TLN2: variants seen among roughly 807,000 people sequenced by gnomAD.
TLN2 encodes the protein talin 2, also known as talin-2.
Under a neutral mutation model 294.7 loss-of-function variants are expected in TLN2, and 118 were observed. That is an observed-to-expected ratio of 0.40 (90% CI 0.34 to 0.47). The LOEUF (loss-of-function observed/expected upper bound fraction) is 0.47, where lower values mean the gene tolerates loss of function less well. Ranked by LOEUF, TLN2 falls within the 20% of genes least tolerant of loss-of-function variation. The pLI, the probability that TLN2 is intolerant of heterozygous loss-of-function variation, is 0.84. For missense variants in TLN2, 3,083 were observed against 3,282.2 expected (o/e 0.94, Z 1.48); for synonymous variants, 1,431 against 1,304.5 (o/e 1.10, Z -2.09).
At chr15:62,562,260 T>C (rs2043029781) in intron 1 of TLN2, among the ~76,000 whole-genome samples, 1 of 152,232 alleles carries the variant, frequency 6.6e-6, no homozygotes, top group Admixed American at 6.5e-5. Flanking sequence ...TTTACCCATG[T>C]ATCTTGCTGC....
intron 2 of TLN2, among the ~76,000 whole-genome samples, chr15:62,597,812 CAT>C (rs1251440513): frequency 6.6e-6 from 1 of 152,152 alleles, no homozygotes; most frequent in Non-Finnish European, 1.5e-5. Context: ...ACCTGATACA[CAT>C]AGTCTGAAGG....
At chr15:62,685,024 T>C (rs545636653) in intron 11 of TLN2, among the ~76,000 whole-genome samples, 6 of 151,570 alleles carry the variant, frequency 4.0e-5, no homozygotes, top group African/African-American at 1.5e-4. Context: ...TCAGCAAATA[T>C]GAGTTGAAAA....
At chr15:62,406,261 C>T (rs2033397791) in intron 1 of TLN2, among the ~76,000 whole-genome samples, 1 of 152,190 alleles carries the variant, frequency 6.6e-6, no homozygotes, top group Non-Finnish European at 1.5e-5. Context: ...CCATGCCTCT[C>T]TGTGTTTCTT....
rs778839015 is a variant in TLN2 at position 62,841,967 on chromosome 15, C to T, written c.*1357C>T. 3.1e-5 allele frequency: 2 copies of T among 65,488 alleles called. No homozygotes were observed. The highest frequency in any genetic ancestry group is 5.1e-5 in the Non-Finnish European group (2 of 39,222). 4.1% of individuals were successfully genotyped at this position (65,488 alleles called of 1,614,324 possible). ...ACAGTTAAAGGCACTCACCCTCCGCCTCTCTCTCTCTCTCTCTCTCTGGTG... is the reference window on the plus strand; with the variant it reads ...ACAGTTAAAGGCACTCACCCTCCGCTTCTCTCTCTCTCTCTCTCTCTGGTG... On this transcript the variant is annotated 3_prime_UTR_variant, in exon 59 of 59. Transcript: ENST00000636159.
chr15:62,395,679 G>A (rs1044663729), intron 1 of TLN2, among the ~76,000 whole-genome samples: 1 of 151,942 alleles, frequency 6.6e-6, no homozygotes, highest in African/African-American at 2.4e-5. Context: ...TAAACCAGAA[G>A]CAACAAATGT....
chr15:62,622,541 C>G (rs1006422160), intron 3 of TLN2, among the ~76,000 whole-genome samples: 1 of 152,160 alleles, frequency 6.6e-6, no homozygotes, highest in Non-Finnish European at 1.5e-5. Context: ...AGCCATGACT[C>G]TCCTCTCTGC....
At chr15:62,667,730 C>G (rs554661789) in intron 9 of TLN2, among the ~76,000 whole-genome samples, 2 of 152,158 alleles carry the variant, frequency 1.3e-5, no homozygotes, top group Non-Finnish European at 2.9e-5. Flanking sequence ...TTGCTGCTTC[C>G]CTGTGTGCTT....
At chr15:62,823,104 C>A (rs114127070) in intron 54 of TLN2, among the ~76,000 whole-genome samples, 1 of 152,116 alleles carries the variant, frequency 6.6e-6, no homozygotes, top group South Asian at 2.1e-4. Flanking sequence ...TGATGTGAAT[C>A]CTTTGTTTGA....
chr15:62,833,674 A>C, intron 55 of TLN2, 45 bp downstream of exon 55: 1 of 1,592,668 alleles, frequency 6.3e-7, no homozygotes. Context: ...AACGTACGAG[A>C]GCCTCAGGGG....
chr15:62,530,422 A>G (rs536201598), intron 1 of TLN2, among the ~76,000 whole-genome samples: 2 of 152,172 alleles, frequency 1.3e-5, no homozygotes, highest in Admixed American at 1.3e-4. Flanking sequence ...CAGTGGCACA[A>G]TCTCAGCTCA....
At chr15:62,730,090 A>G (rs1401118313) in intron 28 of TLN2, among the ~76,000 whole-genome samples, 1 of 127,128 alleles carries the variant, frequency 7.9e-6, no homozygotes, top group African/African-American at 3.0e-5. Flanking sequence ...GTGCAGTGGC[A>G]CTATCTTGGC....
intron 1 of TLN2, among the ~76,000 whole-genome samples, chr15:62,460,489 C>T (rs1188644171): frequency 6.6e-6 from 1 of 151,998 alleles, no homozygotes; most frequent in Non-Finnish European, 1.5e-5. Context: ...TCTCAAACTC[C>T]CAACCTCAGG....
At chr15:62,481,857 C>T (rs2038118054) in intron 1 of TLN2, among the ~76,000 whole-genome samples, 1 of 138,824 alleles carries the variant, frequency 7.2e-6, no homozygotes, top group South Asian at 2.3e-4. Flanking sequence ...AGTGCAATGG[C>T]GTGATCTCAG....
intron 1 of TLN2, among the ~76,000 whole-genome samples, chr15:62,565,357 G>A (rs1220397468): frequency 6.6e-6 from 1 of 152,120 alleles, no homozygotes; most frequent in Non-Finnish European, 1.5e-5. Flanking sequence ...ATAATAAATT[G>A]CACTAGACTG....
Position 62,588,023 on chromosome 15 carries a change from G to A in TLN2, c.-237-1664G>A, listed in dbSNP as rs950577309. Reference sequence around the variant, plus strand: ...AGCCCCCACAGTAGCTGGGACTACAGGCGCCCACCACCACCCCTGGCTAAT... The same window carrying A: ...AGCCCCCACAGTAGCTGGGACTACAAGCGCCCACCACCACCCCTGGCTAAT... On this transcript the variant is annotated intron_variant, in intron 1 of 58. Coordinates refer to ENST00000636159, the MANE Select transcript of TLN2 (RefSeq NM_015059.3). Among the ~76,000 whole-genome samples the A allele has an allele frequency of 4.6e-5, 7 of 152,100 alleles. No homozygotes were observed. The East Asian group carries it at 1.4e-3, about 30-fold the overall frequency.
intron 1 of TLN2, chr15:62,476,285 C>G (rs2037779889): frequency 6.6e-6 from 1 of 152,268 alleles, no homozygotes; most frequent in Admixed American, 6.5e-5. Context: ...GCTGACACGG[C>G]TACCTGCACT....
At position 62,750,500 on chromosome 15, in the gene TLN2, G is replaced by A. The variant is rs770829425; in HGVS notation, c.4209+9G>A. 2 of 1,611,472 alleles carry A rather than the reference G, an allele frequency of 1.2e-6. No homozygotes were observed. The highest frequency in any genetic ancestry group is 1.7e-5 in the Admixed American group (1 of 60,032). On this transcript the variant is annotated intron_variant, in intron 34 of 58. Coordinates refer to ENST00000636159, the MANE Select transcript of TLN2 (RefSeq NM_015059.3). Reference sequence around the variant, plus strand: ...TGATGGAAAACTCCAAGGTAAGACTGCCTATGCCGTAAGTCAGAAGTTAGC... The same window carrying A: ...TGATGGAAAACTCCAAGGTAAGACTACCTATGCCGTAAGTCAGAAGTTAGC...
intron 1 of TLN2, among the ~76,000 whole-genome samples, chr15:62,579,691 C>T (rs1866957): frequency 0.96 from 146,218 of 152,208 alleles, 70,507 homozygotes; most frequent in East Asian, 1. Context: ...GCTACAGACC[C>T]GAGATACTTC....
chr15:62,765,489 G>C (rs570810068), intron 40 of TLN2, among the ~76,000 whole-genome samples: 1 of 152,160 alleles, frequency 6.6e-6, no homozygotes, highest in African/African-American at 2.4e-5. Context: ...TACTTTGGCA[G>C]AGTTCACTCA....
Sources: gnomAD v4.1 joint callset for allele counts (sites outside exome capture counted in the v4.1 genomes callset) on GRCh38, gnomAD v4.1.1 for gene constraint, MANE v1.5 for transcripts, NCBI Gene and HGNC (gene_info 2026-07-23, HGNC 2026-07-21) for gene names.